The following BOD1L1 variants were observed in gnomAD, a reference collection of about 807,000 sequenced individuals.
BOD1L1 encodes biorientation of chromosomes in cell division protein 1-like 1.
BOD1L1 carries 86 observed loss-of-function variants against 240.7 expected under a neutral mutation model. That is an observed-to-expected ratio of 0.36 (90% CI 0.30 to 0.43). BOD1L1 has a LOEUF of 0.43. BOD1L1 is among the 20% of genes least tolerant of loss of function. The probability of loss-of-function intolerance (pLI) is 1.00; values close to 1 mark genes in which losing one functional copy is unlikely to be tolerated. For synonymous variants in BOD1L1, 1,268 were observed against 1,272.3 expected (o/e 1.00, Z 0.07); for missense variants, 3,554 against 3,643.5 (o/e 0.98, Z 0.63).
At chr4:13,598,690 C>T (rs143655194) in intron 10 of BOD1L1, among the ~76,000 whole-genome samples, 82 of 152,296 alleles carry the variant, frequency 5.4e-4, no homozygotes, top group Middle Eastern at 3.4e-3. Flanking sequence ...CATGCCTCAG[C>T]CTCCTGCTTT....
intron 2 of BOD1L1, among the ~76,000 whole-genome samples, chr4:13,615,919 G>A (rs1276763897): frequency 6.6e-6 from 1 of 151,466 alleles, no homozygotes; most frequent in Non-Finnish European, 1.5e-5. Flanking sequence ...TTTTTTAACA[G>A]AAAAAATGTA....
Position 13,619,876 on chromosome 4 carries a change from C to G in BOD1L1, c.368+67G>C, listed in dbSNP as rs1577382039. 27 of 1,546,092 alleles carry G rather than the reference C, an allele frequency of 1.7e-5. No individual in the cohort carries two copies. In the East Asian group the frequency reaches 5.9e-4, roughly 34 times the overall value. On this transcript the variant is annotated intron_variant, in intron 2 of 25. Transcript: ENST00000040738. Reference sequence around the variant, plus strand: ...AGGTGAACAAATATGTATGTAATGCCTCCGCTTTCAGGCAAAGTAGGTTAG... The same window carrying G: ...AGGTGAACAAATATGTATGTAATGCGTCCGCTTTCAGGCAAAGTAGGTTAG...
intron 22 of BOD1L1, among the ~76,000 whole-genome samples, chr4:13,578,484 T>A (rs1249929214): frequency 6.6e-6 from 1 of 152,232 alleles, no homozygotes; most frequent in Non-Finnish European, 1.5e-5. Flanking sequence ...AAAATCTGAA[T>A]AAATTCAAAA....
Position 13,604,937 on chromosome 4 carries a change from T to G in BOD1L1, c.1963A>C (p.Lys655Gln). The change falls in exon 10 of 26, where the codon AAA becomes CAA. Residue 655 changes from lysine (K) to glutamine (Q), a missense_variant. Coordinates refer to ENST00000040738, the MANE Select transcript of BOD1L1 (RefSeq NM_148894.3). The part of the protein sequence containing the change: ...KNESKLEREH[K>Q]RRTSTPVIME... ...ATAACAGGGGTAGATGTCCGTCTTTTATGTTCTCTTTCTAATTTGGATTCA... is the reference window on the plus strand; with the variant it reads ...ATAACAGGGGTAGATGTCCGTCTTTGATGTTCTCTTTCTAATTTGGATTCA... 3.1e-6 allele frequency: 5 copies of G among 1,613,824 alleles called. No individual in the cohort carries two copies. The highest frequency in any genetic ancestry group is 4.2e-6 in the Non-Finnish European group (5 of 1,179,824).
Position 13,597,057 on chromosome 4 carries a change from A to G in BOD1L1, c.8019+47T>C, listed in dbSNP as rs924114912. On this transcript the variant is annotated intron_variant, in intron 11 of 25. Coordinates refer to ENST00000040738, the MANE Select transcript of BOD1L1 (RefSeq NM_148894.3). ...TATATATGTGTATATGTGATGAAAC[A>G]GTATTTAATCACTTACAGTTCAGCA... 3 of 1,407,518 alleles carry G rather than the reference A, an allele frequency of 2.1e-6. No homozygotes were observed. The Admixed American group carries it at 5.8e-5, about 27-fold the overall frequency. 87.2% of individuals were successfully genotyped at this position (1,407,518 alleles called of 1,614,324 possible). A position where few individuals can be genotyped will look rare whatever the true frequency, so the allele number is the denominator to read the frequency against.
In BOD1L1 at chr4:13,602,302, A is replaced by G. The variant is rs750512286; in HGVS notation, c.4598T>C (p.Val1533Ala). The change falls in exon 10 of 26, where the codon GTG becomes GCG. Residue 1533 changes from valine (V) to alanine (A), a missense_variant. Val to Ala is a moderately conservative substitution (Grantham distance 64). Transcript: ENST00000040738. Reference sequence around the variant, plus strand: ...AGTGGTTGTGGCAGGCCCAGCCTTCACTGGACTTAAGGTGACATCTTTGTC... The same window carrying G: ...AGTGGTTGTGGCAGGCCCAGCCTTCGCTGGACTTAAGGTGACATCTTTGTC... ...GKDKDVTLSP[V>A]KAGPATTTSS... 3.1e-6 allele frequency: 5 copies of G among 1,613,822 alleles called. No individual in the cohort carries two copies. The Admixed American group carries it at 8.3e-5, about 27-fold the overall frequency.
chr4:13,591,675 G>A (rs372779127), intron 13 of BOD1L1, among the ~76,000 whole-genome samples: 15 of 152,178 alleles, frequency 9.9e-5, no homozygotes, highest in African/African-American at 2.4e-4. Flanking sequence ...TTTCAATCCC[G>A]TTATAATAAT....
intron 17 of BOD1L1, among the ~76,000 whole-genome samples, chr4:13,584,085 G>C (rs1008605380): frequency 4.6e-5 from 7 of 152,198 alleles, no homozygotes; most frequent in African/African-American, 1.4e-4. Context: ...AATCTATACA[G>C]TAAATATTAG....
Position 13,614,352 on chromosome 4 carries a change from CCTT to C in BOD1L1, c.1015_1017del (p.Lys339del). ...TGATCAAATTTCTTTTCAGTCTTTT[CCTT>C]CTTTTCTTTCTTTCTTTCTCCTTTC... On this transcript the variant is annotated inframe_deletion, in exon 4 of 26. Transcript: ENST00000040738. 1 of 1,539,468 alleles carries C rather than the reference CCTT, an allele frequency of 6.5e-7. No homozygotes were observed. Among genetic ancestry groups the C allele is most frequent in the Non-Finnish European group, 8.8e-7 (1 of 1,136,758 alleles).
chr4:13,613,416 T>C lies in BOD1L1; in HGVS notation c.1324+96A>G. On this transcript the variant is annotated intron_variant, in intron 5 of 25. Coordinates refer to ENST00000040738, the MANE Select transcript of BOD1L1 (RefSeq NM_148894.3). This position sits in a 1 kb window ranked among gnomAD's most constrained non-coding sequence, Gnocchi z 4.0. ...CAACTACAAAATCCCATGCTCTTGCTACTATACCACACTGTTTCTCAGGAT... is the reference window on the plus strand; with the variant it reads ...CAACTACAAAATCCCATGCTCTTGCCACTATACCACACTGTTTCTCAGGAT... 1 of 1,177,628 alleles carries C rather than the reference T, an allele frequency of 8.5e-7. No individual in the cohort carries two copies. Among genetic ancestry groups the C allele is most frequent in the Non-Finnish European group, 1.2e-6 (1 of 853,282 alleles). The allele number at this position is 1,177,628 out of a possible 1,614,324, so 72.9% of individuals were successfully genotyped here. A position where few individuals can be genotyped will look rare whatever the true frequency, so the allele number is the denominator to read the frequency against.
Position 13,604,521 on chromosome 4 carries a change from A to G in BOD1L1, c.2379T>C (p.His793=). Residue 793 remains histidine (H), a synonymous_variant, in exon 10 of 26, where the codon CAT becomes CAC. Coordinates refer to ENST00000040738, the MANE Select transcript of BOD1L1 (RefSeq NM_148894.3). ...ATACTGATAATTTCCTTTCATTCCT[A>G]TGTTTACTTTTTCGTTCGGTTTTAT... ...SDDKTERKSK[H]RNERKLSVLG... 1.3e-6 allele frequency: 2 copies of G among 1,532,204 alleles called. No homozygotes were observed. Among genetic ancestry groups the G allele is most frequent in the African/African-American group, 2.8e-5 (2 of 71,696 alleles). 94.9% of individuals were successfully genotyped at this position (1,532,204 alleles called of 1,614,324 possible).
At position 13,627,655 on chromosome 4, in the gene BOD1L1, G is replaced by T; in HGVS notation, c.-68C>A. The T allele has an allele frequency of 9.3e-7, 1 of 1,076,010 alleles. No individual in the cohort carries two copies. The highest frequency in any genetic ancestry group is 1.1e-6 in the Non-Finnish European group (1 of 886,254). 66.7% of individuals were successfully genotyped at this position (1,076,010 alleles called of 1,614,324 possible). A position where few individuals can be genotyped will look rare whatever the true frequency, so the allele number is the denominator to read the frequency against. On this transcript the variant is annotated 5_prime_UTR_variant, in exon 1 of 26. Transcript: ENST00000040738. ...GATCCTGGGAGGCGGCGGCTGCACT[G>T]GTCCCGCCGCCTGAGGGAAGCCAAC...
chr4:13,569,996 C>T lies in BOD1L1; in HGVS notation c.*15G>A, dbSNP rs1209314076. 4 of 1,562,872 alleles carry T rather than the reference C, an allele frequency of 2.6e-6. No homozygotes were observed. Among genetic ancestry groups the T allele is most frequent in the African/African-American group, 2.8e-5 (2 of 72,482 alleles). ...ACCGTGTTCCTCCATAAGCCTAGGG[C>T]AGCAGTGGTCAGGATTATCGCTTCG... is the stretch of plus-strand genomic sequence containing the variant. On this transcript the variant is annotated 3_prime_UTR_variant, in exon 26 of 26. Coordinates refer to ENST00000040738, the MANE Select transcript of BOD1L1 (RefSeq NM_148894.3).
intron 19 of BOD1L1, among the ~76,000 whole-genome samples, 174 bp downstream of exon 19, chr4:13,582,063 T>A (rs1713276705): frequency 1.3e-5 from 2 of 152,120 alleles, no homozygotes; most frequent in Admixed American, 6.5e-5. Context: ...AGAAAAAAAT[T>A]AATCAAAATG....
chr4:13,588,324 A>G (rs1447283975), intron 15 of BOD1L1, among the ~76,000 whole-genome samples: 1 of 152,194 alleles, frequency 6.6e-6, no homozygotes, highest in Non-Finnish European at 1.5e-5. Context: ...GCTACATACT[A>G]TATTTCAATA....
At position 13,608,651 on chromosome 4, in the gene BOD1L1, A is replaced by G; in HGVS notation, c.1621T>C (p.Leu541=). The change falls in exon 8 of 26, where the codon TTA becomes CTA. Residue 541 remains leucine (L), a synonymous_variant. Transcript: ENST00000040738. ...AAACTCTTTGTTGATGATTCTTCTA[A>G]GTCCACACTACTCCTGCCTAGAAAA... ...TKGQGRSSVD[L]EESSTKSLEP... The G allele has an allele frequency of 6.6e-7, 1 of 1,525,466 alleles. No homozygotes were observed. The highest frequency in any genetic ancestry group is 1.3e-5 in the South Asian group (1 of 75,522). The allele number at this position is 1,525,466 out of a possible 1,614,324, so 94.5% of individuals were successfully genotyped here.
intron 1 of BOD1L1, chr4:13,625,111 T>C (rs1256637965): frequency 6.6e-6 from 1 of 152,226 alleles, no homozygotes; most frequent in Non-Finnish European, 1.5e-5. Flanking sequence ...ATTTTTATAG[T>C]CATGCGCCCT....
chr4:13,594,003 G>A (rs1714417017), intron 12 of BOD1L1, among the ~76,000 whole-genome samples: 1 of 152,176 alleles, frequency 6.6e-6, no homozygotes, highest in Non-Finnish European at 1.5e-5. Flanking sequence ...GGAATGGTAA[G>A]CCAAAGCTAA....
chr4:13,576,772 C>A, intron 25 of BOD1L1, 66 bp downstream of exon 25: 2 of 1,542,474 alleles, frequency 1.3e-6, no homozygotes, highest in South Asian at 1.3e-5. Context: ...TCCCAGAAAA[C>A]CCAGAGCAAT....
Sources: gnomAD v4.1 joint callset for allele counts (sites outside exome capture counted in the v4.1 genomes callset) on GRCh38, gnomAD v4.1.1 for gene constraint, Gnocchi (gnomAD v3.1) non-coding constraint, MANE v1.5 for transcripts, NCBI Gene and HGNC (gene_info 2026-07-23, HGNC 2026-07-21) for gene names.